The following IPP variants were observed in gnomAD, a reference collection of about 807,000 sequenced individuals.
The protein encoded by IPP is intracisternal A particle-promoted polypeptide, also known as actin-binding protein IPP.
IPP carries 41 observed loss-of-function variants against 64.1 expected under a neutral mutation model. The ratio of observed to expected loss-of-function variants is 0.64; its 90% CI spans 0.50 to 0.83. IPP has a LOEUF of 0.83. Among genes scored for constraint, IPP ranks in the 40% least tolerant of loss-of-function variants. The pLI, the probability that IPP is intolerant of heterozygous loss-of-function variation, is 0.00. For synonymous variants in IPP, 214 were observed against 235.2 expected (o/e 0.91, Z 0.83); for missense variants, 649 against 703.0 (o/e 0.92, Z 0.87).
At chr1:45,726,623 T>C (rs545236891) in intron 5 of IPP, among the ~76,000 whole-genome samples, 5 of 152,282 alleles carry the variant, frequency 3.3e-5, no homozygotes, top group Admixed American at 2.0e-4. Flanking sequence ...GGTTTTTACG[T>C]ATCCAGTATC....
intron 3 of IPP, among the ~76,000 whole-genome samples, chr1:45,738,741 G>A (rs899546489): frequency 1.0e-4 from 15 of 150,472 alleles, no homozygotes; most frequent in South Asian, 4.2e-4. Flanking sequence ...TTGGGAGGCT[G>A]AGGCAGGAGA....
intron 8 of IPP, among the ~76,000 whole-genome samples, chr1:45,713,845 C>T (rs1392301248): frequency 6.6e-6 from 1 of 152,144 alleles, no homozygotes; most frequent in African/African-American, 2.4e-5. Flanking sequence ...AGGCGTGGGC[C>T]ACCACGCCTA....
chr1:45,744,968 G>T (rs1646115551), intron 2 of IPP, among the ~76,000 whole-genome samples: 1 of 152,118 alleles, frequency 6.6e-6, no homozygotes, highest in South Asian at 2.1e-4. Flanking sequence ...TGGTGAGATG[G>T]TAGCACTACT....
At chr1:45,719,457 T>C in intron 5 of IPP, 117 bp from the exon 6 acceptor site, 1 of 631,030 alleles carries the variant, frequency 1.6e-6, no homozygotes, top group African/African-American at 1.9e-5. Context: ...TATGTCTGAT[T>C]TTATACTATT....
At position 45,746,217 on chromosome 1, in the gene IPP, C is replaced by G. The variant is rs1646131049; in HGVS notation, c.195G>C (p.Leu65Phe). The stretch of plus-strand genomic sequence containing the variant: ...AGGACTCTTTCATTCCTCCAGTGAA[C>G]AAAGCTGCAAAGTAAGGACTGCTGG... ...LAASSPYFAA[L>F]FTGGMKESSK... Residue 65 changes from leucine (L) to phenylalanine (F), a missense_variant, in exon 2 of 9, where the codon TTG becomes TTC. Transcript: ENST00000396478. 1 of 1,614,154 alleles carries G rather than the reference C, an allele frequency of 6.2e-7. No individual in the cohort carries two copies.
chr1:45,726,160 T>TA (rs71062704), intron 5 of IPP, among the ~76,000 whole-genome samples: 138,225 of 141,346 alleles, frequency 0.98, 67,595 homozygotes, highest in South Asian at 1. Flanking sequence ...ACCCCATCTC[T>TA]AAAAAAAAAA....
intron 8 of IPP, among the ~76,000 whole-genome samples, chr1:45,708,311 G>C (rs1209729906): frequency 1.3e-5 from 2 of 151,382 alleles, no homozygotes; most frequent in Admixed American, 6.6e-5. Context: ...TGATCTGCCC[G>C]CCTCGGCCTC....
At chr1:45,741,464 T>C in intron 2 of IPP, 132 bp from the exon 3 acceptor site, 1 of 631,122 alleles carries the variant, frequency 1.6e-6, no homozygotes, top group East Asian at 2.8e-5. Flanking sequence ...AAAAAGGCAA[T>C]CAAGGATTTG....
intron 1 of IPP, 87 bp downstream of exon 1, chr1:45,750,510 G>A (rs946185408): frequency 2.0e-5 from 3 of 152,314 alleles, no homozygotes; most frequent in African/African-American, 4.8e-5. Context: ...TCTCACTCCA[G>A]TCCTCAGGGG....
intron 5 of IPP, among the ~76,000 whole-genome samples, chr1:45,725,453 C>A (rs1237762361): frequency 7.0e-6 from 1 of 143,452 alleles, no homozygotes; most frequent in African/African-American, 2.6e-5. Flanking sequence ...CCGCCCCATC[C>A]GGGAGGGAGG....
chr1:45,717,512 CT>C (rs60076964), intron 6 of IPP, among the ~76,000 whole-genome samples: 42,496 of 147,996 alleles, frequency 0.29, 6,054 homozygotes, highest in South Asian at 0.37. Context: ...CTCTCCAATT[CT>C]TTTTTTTTTT....
rs1173437997 is a variant in IPP at position 45,698,824 on chromosome 1, TC to T, written c.*1141del. 6.5e-6 allele frequency: 2 copies of T among 308,464 alleles called. No homozygotes were observed. The highest frequency in any genetic ancestry group is 9.4e-6 in the Non-Finnish European group (2 of 212,242). 19.1% of individuals were successfully genotyped at this position (308,464 alleles called of 1,614,324 possible). A position where few individuals can be genotyped will look rare whatever the true frequency, so the allele number is the denominator to read the frequency against. ...GCCTTGACCTCCTGGGCTCAAGTGA[TC>T]CTGCAACCTCAGCCTCCCAAGCAGA... On this transcript the variant is annotated 3_prime_UTR_variant, in exon 9 of 9. Coordinates refer to ENST00000396478, the MANE Select transcript of IPP (RefSeq NM_005897.3).
intron 3 of IPP, among the ~76,000 whole-genome samples, chr1:45,735,706 T>A (rs1645970578): frequency 7.1e-6 from 1 of 141,458 alleles, no homozygotes; most frequent in African/African-American, 2.6e-5. Flanking sequence ...CTTGGCTCAC[T>A]GCCACCTCCG....
At chr1:45,743,023 C>A (rs1218035638) in intron 2 of IPP, among the ~76,000 whole-genome samples, 1 of 151,852 alleles carries the variant, frequency 6.6e-6, no homozygotes, top group African/African-American at 2.4e-5. Context: ...CTACAACCAA[C>A]ACCTCCTGGG....
At chr1:45,723,054 C>A (rs1645754911) in intron 5 of IPP, among the ~76,000 whole-genome samples, 1 of 152,142 alleles carries the variant, frequency 6.6e-6, no homozygotes, top group Admixed American at 6.6e-5. Flanking sequence ...GTGACAATTG[C>A]ACAACTTTGT....
rs1557746043 is a variant in IPP at position 45,719,209 on chromosome 1, C to A, written c.1180G>T (p.Ala394Ser). 3 of 1,613,928 alleles carry A rather than the reference C, an allele frequency of 1.9e-6. No individual in the cohort carries two copies. The highest frequency in any genetic ancestry group is 2.7e-5 in the African/African-American group (2 of 74,990). Residue 394 changes from alanine (A) to serine (S), a missense_variant, in exon 6 of 9, where the codon GCT (alanine) becomes TCT (serine). Ala to Ser is a moderately conservative substitution (Grantham distance 99, BLOSUM62 1). Transcript: ENST00000396478. Reference protein sequence around the residue: ...GVCVCYGAIYALGGWVGAEIG... With the variant: ...GVCVCYGAIYSLGGWVGAEIG... ...AACTGAACAACATAATTACCCAAAG[C>A]ATAGATAGCCCCATAACACACACAC...
At position 45,719,749 on chromosome 1, in the gene IPP, G is replaced by A. The variant is rs184478856; in HGVS notation, c.1049-409C>T. On this transcript the variant is annotated intron_variant, in intron 5 of 8. Coordinates refer to ENST00000396478, the MANE Select transcript of IPP (RefSeq NM_005897.3). ...ATGAAATTTTTCTTTTTTTGGAGAC[G>A]GAGTCTCGCTCTGTCGCCCAGGCTG... is the stretch of plus-strand genomic sequence containing the variant. Among the ~76,000 whole-genome samples, 397 of 152,112 alleles carry A rather than the reference G, an allele frequency of 2.6e-3. 8 individuals are homozygous for A. The highest frequency in any genetic ancestry group is 4.3e-3 in the Admixed American group (66 of 15,278).
rs199978194 is a variant in IPP at position 45,715,194 on chromosome 1, C to CAA, written c.1310-730_1310-729dup. Among the ~76,000 whole-genome samples the CAA allele has an allele frequency of 3.0e-3, 311 of 102,818 alleles. 1 individual carries two copies. Among genetic ancestry groups the CAA allele is most frequent in the East Asian group, 0.021 (75 of 3,534 alleles). 67.5% of individuals were successfully genotyped at this position (102,818 alleles called of 152,430 possible). ...TGGGCAACAGAGCCAGACCTTCTCTCAAAAAAAAAAAAAAAAAAAAATTAC... is the reference window on the plus strand; with the variant it reads ...TGGGCAACAGAGCCAGACCTTCTCTCAAAAAAAAAAAAAAAAAAAAAAATTAC... On this transcript the variant is annotated intron_variant, in intron 7 of 8. Transcript: ENST00000396478.
intron 3 of IPP, among the ~76,000 whole-genome samples, chr1:45,736,138 T>TAG (rs1645978501): frequency 6.6e-6 from 1 of 151,580 alleles, no homozygotes; most frequent in Admixed American, 6.6e-5. Context: ...TTTTTTTTTG[T>TAG]AGAGACAGGG....
Sources: gnomAD v4.1 joint callset for allele counts (sites outside exome capture counted in the v4.1 genomes callset) on GRCh38, gnomAD v4.1.1 for gene constraint, MANE v1.5 for transcripts, NCBI Gene and HGNC (gene_info 2026-07-23, HGNC 2026-07-21) for gene names.